STRN: variants seen among roughly 807,000 people sequenced by gnomAD.
STRN encodes the protein striatin.
A neutral mutation model predicts 96.3 loss-of-function variants in STRN; 53 were observed. That is an observed-to-expected ratio of 0.55 (90% CI 0.44 to 0.69). The LOEUF (loss-of-function observed/expected upper bound fraction) is 0.69. STRN is among the 30% of genes least tolerant of loss of function. The pLI is 0.00. For synonymous variants in STRN, 428 were observed against 355.9 expected, an observed-to-expected ratio of 1.20 and a Z score of -2.28; for missense variants, 987 against 963.9, an observed-to-expected ratio of 1.02 and a Z score of -0.32.
rs147595139 is a variant in STRN, at chr2:36,847,896, G to C, written c.*1560C>G. 2.0e-5 allele frequency: 3 copies of C among 152,294 alleles called. No homozygotes were observed. Among genetic ancestry groups the C allele is most frequent in the East Asian group, 1.9e-4 (1 of 5,180 alleles). The allele number at this position is 152,294 out of a possible 1,614,324, so 9.4% of individuals were successfully genotyped here. A position where few individuals can be genotyped will look rare whatever the true frequency, so the allele number is the denominator to read the frequency against. On this transcript the variant is annotated 3_prime_UTR_variant, in exon 18 of 18. Transcript: ENST00000263918. The stretch of plus-strand genomic sequence containing the variant: ...GTTTTAATTGGTTAAAATATCTATA[G>C]ATTTAATATTTTTAAAATCTAAGAG...
intron 1 of STRN, among the ~76,000 whole-genome samples, chr2:36,947,197 G>T (rs956171730): frequency 3.9e-5 from 6 of 151,920 alleles, no homozygotes; most frequent in Non-Finnish European, 4.4e-5. Flanking sequence ...CACCTGGCCA[G>T]AAAGACATTT....
Position 36,846,387 on chromosome 2 carries a change from T to TATA in STRN, c.*3068_*3069insTAT, listed in dbSNP as rs1668074175. 1 of 78,342 alleles carries TATA rather than the reference T, an allele frequency of 1.3e-5. No homozygotes were observed. Among genetic ancestry groups the TATA allele is most frequent in the South Asian group, 4.5e-4 (1 of 2,246 alleles). The allele number at this position is 78,342 out of a possible 1,614,324, so 4.9% of individuals were successfully genotyped here. A position where few individuals can be genotyped will look rare whatever the true frequency, so the allele number is the denominator to read the frequency against. ...CAAAACAGTAAAATGCACCTATGGT[T>TATA]TATATATATATATATATATATATAT... On this transcript the variant is annotated 3_prime_UTR_variant, in exon 18 of 18. Transcript: ENST00000263918.
At chr2:36,860,308 G>C (rs780480432) in intron 13 of STRN, among the ~76,000 whole-genome samples, 9 of 152,176 alleles carry the variant, frequency 5.9e-5, no homozygotes, top group African/African-American at 1.2e-4. Flanking sequence ...TCCTCTGGCA[G>C]AGAGGTAAAG....
At chr2:36,860,988 G>A in intron 13 of STRN, 144 bp downstream of exon 13, 2 of 958,086 alleles carry the variant, frequency 2.1e-6, no homozygotes, top group Non-Finnish European at 3.0e-6. Context: ...CCTAAATACA[G>A]AAGTCCTTTT....
At chr2:36,893,210 C>A (rs1669446603) in intron 7 of STRN, among the ~76,000 whole-genome samples, 1 of 151,984 alleles carries the variant, frequency 6.6e-6, no homozygotes, top group African/African-American at 2.4e-5. Flanking sequence ...TATAAAAAGT[C>A]AATATACAAC....
intron 1 of STRN, among the ~76,000 whole-genome samples, chr2:36,933,778 G>C (rs1346683251): frequency 6.6e-6 from 1 of 152,042 alleles, no homozygotes; most frequent in Non-Finnish European, 1.5e-5. Flanking sequence ...CCAAGCATTT[G>C]TATTAAAGTT....
chr2:36,899,529 A>C lies in STRN; in HGVS notation c.789T>G (p.Thr263=), dbSNP rs761479283. The C allele has an allele frequency of 5.6e-6, 9 of 1,611,704 alleles. No homozygotes were observed. Among genetic ancestry groups the C allele is most frequent in the Non-Finnish European group, 7.6e-6 (9 of 1,179,484 alleles). ...VDGREKSVID[T]STIVRKKALP... is the part of the protein sequence containing the mutation. ...TATGAGTTATCTAACTCACTGTTGA[A>C]GTATCAATGACGCTTTTCTCTCTTC... Residue 263 remains threonine (T), a synonymous_variant, in exon 6 of 18, where the codon ACT becomes ACG. Coordinates refer to ENST00000263918, the MANE Select transcript of STRN (RefSeq NM_003162.4).
chr2:36,872,196 TAAC>T (rs1032079127), intron 10 of STRN, among the ~76,000 whole-genome samples: 26 of 152,218 alleles, frequency 1.7e-4, no homozygotes, highest in African/African-American at 6.3e-4. Flanking sequence ...GCAGAAGTGA[TAAC>T]AAGTTGTAAC....
At chr2:36,951,891 T>G (rs896244132) in intron 1 of STRN, among the ~76,000 whole-genome samples, 2 of 152,222 alleles carry the variant, frequency 1.3e-5, no homozygotes, top group African/African-American at 4.8e-5. Flanking sequence ...CATTACCCGC[T>G]GAGCTCCGCT....
chr2:36,840,611 G>A lies in STRN; in HGVS notation c.*8845C>T, dbSNP rs1667929836. 6.7e-6 allele frequency: 1 copy of A among 149,910 alleles called. No homozygotes were observed. The highest frequency in any genetic ancestry group is 2.5e-5 in the African/African-American group (1 of 40,498). 9.3% of individuals were successfully genotyped at this position (149,910 alleles called of 1,614,324 possible). A position where few individuals can be genotyped will look rare whatever the true frequency, so the allele number is the denominator to read the frequency against. On this transcript the variant is annotated 3_prime_UTR_variant, in exon 18 of 18. Transcript: ENST00000263918. The stretch of plus-strand genomic sequence containing the variant: ...TTGAAATGGGCTCTCTGATTACTCA[G>A]CCAACAAATATTTATAGGGTACCTT...
intron 9 of STRN, among the ~76,000 whole-genome samples, chr2:36,883,085 CAAAAT>C (rs1669117039): frequency 6.6e-6 from 1 of 151,972 alleles, no homozygotes; most frequent in Non-Finnish European, 1.5e-5. Flanking sequence ...TTTAAGAACA[CAAAAT>C]AGAATTATTA....
chr2:36,909,047 T>C (rs1669897242), intron 3 of STRN, among the ~76,000 whole-genome samples: 1 of 149,586 alleles, frequency 6.7e-6, no homozygotes, highest in African/African-American at 2.5e-5. Flanking sequence ...TCCCAGCTAC[T>C]AGGGAGGCTG....
rs1453257983 is a variant in STRN at position 36,857,956 on chromosome 2, T to C, written c.1737A>G (p.Ala579=). The C allele has an allele frequency of 6.2e-7, 1 of 1,613,652 alleles. No homozygotes were observed. ...TDAVWGLAYS[A]AHQRLLSCSA... is the part of the protein sequence containing the mutation. ...AACAGGACAACAAACGCTGATGTGC[T>C]GCACTATAAGCCAAACCCCAGACTG... The change falls in exon 14 of 18, where the codon GCA becomes GCG. Residue 579 remains alanine (A), a synonymous_variant. Transcript: ENST00000263918.
At chr2:36,888,373 C>T (rs1669293632) in intron 7 of STRN, among the ~76,000 whole-genome samples, 1 of 152,170 alleles carries the variant, frequency 6.6e-6, no homozygotes, top group African/African-American at 2.4e-5. Context: ...CTCCCCATCT[C>T]ACCACTGGTC....
intron 15 of STRN, 51 bp downstream of exon 15, chr2:36,855,161 T>C: frequency 6.3e-7 from 1 of 1,586,972 alleles, no homozygotes; most frequent in South Asian, 1.1e-5. Flanking sequence ...AGTCGTAATT[T>C]TGATTAAGTT....
chr2:36,966,094 G>T, intron 1 of STRN, 136 bp downstream of exon 1: 4 of 1,022,878 alleles, frequency 3.9e-6, no homozygotes, highest in South Asian at 2.0e-5. Flanking sequence ...AGAAGGGGAC[G>T]GGGCTCCGGG....
chr2:36,882,824 C>A (rs892702977), intron 9 of STRN, among the ~76,000 whole-genome samples: 4 of 152,094 alleles, frequency 2.6e-5, no homozygotes, highest in African/African-American at 9.7e-5. Flanking sequence ...TGTCCTCCCA[C>A]CTCAGCCTCC....
chr2:36,958,347 A>G (rs370608692), intron 1 of STRN, among the ~76,000 whole-genome samples: 7 of 152,352 alleles, frequency 4.6e-5, no homozygotes, highest in South Asian at 4.1e-4. Flanking sequence ...AAGACCTCAG[A>G]TAAAGGAAAC....
intron 5 of STRN, among the ~76,000 whole-genome samples, chr2:36,901,862 T>C (rs1669692338): frequency 6.6e-6 from 1 of 152,184 alleles, no homozygotes; most frequent in Non-Finnish European, 1.5e-5. Context: ...ACTATCTTCT[T>C]GCTAGAAAAT....
Sources: allele counts gnomAD v4.1 joint callset (sites outside exome capture counted in the v4.1 genomes callset), GRCh38; gene constraint gnomAD v4.1.1; transcripts MANE v1.5; gene names NCBI Gene and HGNC (gene_info 2026-07-23, HGNC 2026-07-21).